LRBA: variants seen among roughly 807,000 people sequenced by gnomAD.
LRBA encodes the protein lipopolysaccharide-responsive and beige-like anchor protein.
Under a neutral mutation model 330.0 loss-of-function variants are expected in LRBA, and 176 were observed. The ratio of observed to expected loss-of-function variants is 0.53; its 90% CI spans 0.47 to 0.60. The LOEUF is 0.60. Ranked by LOEUF, LRBA falls within the 20% of genes least tolerant of loss-of-function variation. The pLI is 0.00. For synonymous variants in LRBA, 1,230 were observed against 1,193.0 expected, an observed-to-expected ratio of 1.03 and a Z score of -0.64; for missense variants, 3,259 against 3,444.8, an observed-to-expected ratio of 0.95 and a Z score of 1.35.
rs372857286 is a variant in LRBA at position 150,529,586 on chromosome 4, C to T, written c.6331-38551G>A. Among the ~76,000 whole-genome samples the T allele has an allele frequency of 2.1e-4, 32 of 152,020 alleles. No homozygotes were observed. In the South Asian group the frequency reaches 6.1e-3, roughly 29 times the overall value. On this transcript the variant is annotated intron_variant, in intron 40 of 56. Transcript: ENST00000651943. ...CAAAAATTAGCTAGGCATGGTGGTG[C>T]GTGCCTGTAATTCCAGCTACTTGGG... is the stretch of plus-strand genomic sequence containing the variant.
chr4:150,728,866 A>C (rs1335921932), intron 36 of LRBA, among the ~76,000 whole-genome samples: 1 of 152,168 alleles, frequency 6.6e-6, no homozygotes, highest in Non-Finnish European at 1.5e-5. Flanking sequence ...CCAACAAGAG[A>C]AGGAGATAAA....
At chr4:150,624,154 GAACT>G (rs1381702999) in intron 37 of LRBA, among the ~76,000 whole-genome samples, 3 of 151,936 alleles carry the variant, frequency 2.0e-5, no homozygotes, top group Non-Finnish European at 4.4e-5. Flanking sequence ...TGACAACTAT[GAACT>G]AACTGCATTC....
chr4:150,612,364 A>G (rs1775362555), intron 37 of LRBA, among the ~76,000 whole-genome samples: 1 of 152,208 alleles, frequency 6.6e-6, no homozygotes, highest in Non-Finnish European at 1.5e-5. Context: ...CTAACATAAA[A>G]GAAAAATATA....
intron 31 of LRBA, among the ~76,000 whole-genome samples, chr4:150,811,855 G>GA (rs1286732696): frequency 1.3e-5 from 2 of 151,978 alleles, no homozygotes; most frequent in East Asian, 1.9e-4. Context: ...TTAGAAATGT[G>GA]AAAAAGAAAA....
chr4:150,776,447 C>T (rs929431349), intron 34 of LRBA, among the ~76,000 whole-genome samples: 7 of 152,162 alleles, frequency 4.6e-5, no homozygotes, highest in Admixed American at 1.3e-4. Flanking sequence ...AGGCAGAGAA[C>T]TATTGTTTAT....
intron 40 of LRBA, among the ~76,000 whole-genome samples, chr4:150,522,514 C>T (rs1251945138): frequency 6.6e-6 from 1 of 152,172 alleles, no homozygotes; most frequent in African/African-American, 2.4e-5. Flanking sequence ...CTATTACATG[C>T]CCAGAGTGCC....
chr4:150,636,482 T>G (rs1395634328), intron 37 of LRBA, among the ~76,000 whole-genome samples: 2 of 152,188 alleles, frequency 1.3e-5, no homozygotes, highest in African/African-American at 4.8e-5. Flanking sequence ...AAAAAGGTGC[T>G]ATGAGCTCAT....
intron 31 of LRBA, among the ~76,000 whole-genome samples, chr4:150,811,379 A>G (rs974607277): frequency 6.6e-6 from 1 of 152,164 alleles, no homozygotes; most frequent in Admixed American, 6.5e-5. Context: ...AAAAGTAGAA[A>G]TGGAAAAAAT....
chr4:150,899,973 A>T, intron 14 of LRBA, 76 bp downstream of exon 14: 3 of 1,113,862 alleles, frequency 2.7e-6, no homozygotes, highest in Non-Finnish European at 3.8e-6. Context: ...ATATGATAGT[A>T]CTGGTTAAAA....
At chr4:150,265,947 A>C in intron 56 of LRBA, 135 bp from the exon 57 acceptor site, 1 of 623,828 alleles carries the variant, frequency 1.6e-6, no homozygotes, top group Non-Finnish European at 2.9e-6. Context: ...GAACTAAGGT[A>C]TGTATTTCAT....
At chr4:150,810,409 TTGA>T (rs1217437423) in intron 31 of LRBA, among the ~76,000 whole-genome samples, 1 of 136,158 alleles carries the variant, frequency 7.3e-6, no homozygotes, top group African/African-American at 2.7e-5. Context: ...TCCCATTCCC[TTGA>T]TAATCAAAGT....
At chr4:150,537,810 C>G (rs1371404835) in intron 40 of LRBA, among the ~76,000 whole-genome samples, 1 of 151,978 alleles carries the variant, frequency 6.6e-6, no homozygotes, top group Non-Finnish European at 1.5e-5. Flanking sequence ...CAAAAATTAG[C>G]CAGGCATGGT....
intron 33 of LRBA, among the ~76,000 whole-genome samples, chr4:150,805,356 AAAAGG>A (rs1300445582): frequency 6.2e-5 from 7 of 112,698 alleles, no homozygotes; most frequent in African/African-American, 9.8e-5. Context: ...AGAAGGAAAG[AAAAGG>A]AAAGGAAAGG....
At chr4:150,723,332 A>C (rs1404390057) in intron 36 of LRBA, among the ~76,000 whole-genome samples, 1 of 152,220 alleles carries the variant, frequency 6.6e-6, no homozygotes, top group Non-Finnish European at 1.5e-5. Flanking sequence ...CAAAGAGTAA[A>C]GAGGACTTTG....
intron 35 of LRBA, among the ~76,000 whole-genome samples, chr4:150,752,932 A>G (rs1490918506): frequency 6.6e-6 from 1 of 152,214 alleles, no homozygotes; most frequent in African/African-American, 2.4e-5. Flanking sequence ...TTACATGTAG[A>G]AAAGCAAAAA....
chr4:150,844,872 T>A, intron 26 of LRBA, 93 bp from the exon 27 acceptor site: 1 of 1,026,700 alleles, frequency 9.7e-7, no homozygotes, highest in Non-Finnish European at 1.5e-6. Flanking sequence ...ATGATTTACA[T>A]AAGATTTTAT....
chr4:150,639,960 G>A (rs1478151203), intron 37 of LRBA, among the ~76,000 whole-genome samples: 2 of 146,652 alleles, frequency 1.4e-5, no homozygotes, highest in East Asian at 2.0e-4. Flanking sequence ...GGGTTCAAGC[G>A]ATTCTTTTGC....
At chr4:150,351,549 C>T (rs1204090582) in intron 47 of LRBA, among the ~76,000 whole-genome samples, 4 of 152,050 alleles carry the variant, frequency 2.6e-5, no homozygotes, top group Middle Eastern at 6.8e-3. Flanking sequence ...ATTAGCCGGG[C>T]GTGGTGGCGG....
chr4:150,704,778 A>G (rs370602446), intron 36 of LRBA, among the ~76,000 whole-genome samples: 25 of 152,166 alleles, frequency 1.6e-4, no homozygotes, highest in African/African-American at 5.8e-4. Context: ...TATCATGTAA[A>G]AATAGCATCA....
Sources: gnomAD v4.1 joint callset for allele counts (sites outside exome capture counted in the v4.1 genomes callset) on GRCh38, gnomAD v4.1.1 for gene constraint, MANE v1.5 for transcripts, NCBI Gene and HGNC (gene_info 2026-07-23, HGNC 2026-07-21) for gene names.